The following USP35 variants were observed in gnomAD, a reference collection of about 807,000 sequenced individuals.
The protein encoded by USP35 is ubiquitin specific peptidase 35.
Under a neutral mutation model 83.8 loss-of-function variants are expected in USP35, and 69 were observed. The ratio of observed to expected loss-of-function variants is 0.82; its 90% CI spans 0.68 to 1.01. USP35 has a LOEUF of 1.01. Among genes scored for constraint, USP35 ranks in the 50% least tolerant of loss-of-function variants. The pLI is 0.00. For synonymous variants in USP35, 714 were observed against 589.5 expected, an observed-to-expected ratio of 1.21 and a Z score of -3.06; for missense variants, 1,503 against 1,362.5, an observed-to-expected ratio of 1.10 and a Z score of -1.62.
rs3050609 is a variant in USP35, at chr11:78,191,166, T to TAC, written c.-11+2023_-11+2024dup. On this transcript the variant is annotated intron_variant, in intron 1 of 10. Coordinates refer to ENST00000529308, the MANE Select transcript of USP35 (RefSeq NM_020798.4). ...AGCATAGGAGTTGTGTACACACACA[T>TAC]ACACACACACACACAGGGTGCTTTG... Among the ~76,000 whole-genome samples the TAC allele has an allele frequency of 3.2e-4, 48 of 151,574 alleles. No homozygotes were observed. The South Asian group carries it at 5.2e-3, about 16-fold the overall frequency.
In USP35 at chr11:78,213,839, C is replaced by T; in HGVS notation, c.*26C>T. The T allele has an allele frequency of 6.5e-7, 1 of 1,535,570 alleles. No individual in the cohort carries two copies. Among genetic ancestry groups the T allele is most frequent in the South Asian group, 1.3e-5 (1 of 77,496 alleles). ...TGTGAACCTGCTGCCAACCTGACCC[C>T]TTCCCTCCAGGAGCCAGGTAGGGCC... On this transcript the variant is annotated 3_prime_UTR_variant, in exon 11 of 11. Transcript: ENST00000529308.
chr11:78,196,853 G>A lies in USP35; in HGVS notation c.608G>A (p.Trp203Ter). 6.6e-7 allele frequency: 1 copy of A among 1,507,838 alleles called. No homozygotes were observed. The highest frequency in any genetic ancestry group is 8.8e-7 in the Non-Finnish European group (1 of 1,132,754). 93.4% of individuals were successfully genotyped at this position (1,507,838 alleles called of 1,614,324 possible). The change falls in exon 2 of 11, where the codon TGG becomes TAG. Residue 203 changes from tryptophan (W) to a stop codon, truncating the protein, a stop_gained. Transcript: ENST00000529308. LOFTEE classifies it high-confidence loss of function. This position sits in a 1 kb window ranked among gnomAD's most constrained non-coding sequence, Gnocchi z 4.8. Reference sequence around the variant, plus strand: ...GTGAGCGGGCTCCTGGCGCAGCTGTGGCGCGCACAGCCCGCCGCCATCCTG... The same window carrying A: ...GTGAGCGGGCTCCTGGCGCAGCTGTAGCGCGCACAGCCCGCCGCCATCCTG... Reference protein sequence around the residue: ...QQVSGLLAQLWRAQPAAILPC... With the variant: ...QQVSGLLAQL
At chr11:78,222,878 A>G in the USP35 span, among the ~76,000 whole-genome samples, 45 of 152,338 alleles carry the variant, frequency 3.0e-4, no homozygotes, top group Non-Finnish European at 4.6e-4. Context: ...GGCGTGAGCC[A>G]TGGCGCCCAG....
At chr11:78,234,561 A>G in the USP35 span, among the ~76,000 whole-genome samples, 7 of 148,292 alleles carry the variant, frequency 4.7e-5, no homozygotes, top group Admixed American at 1.4e-4. Flanking sequence ...CTATATATTT[A>G]TATACTTTTA....
the USP35 span, among the ~76,000 whole-genome samples, chr11:78,228,141 A>G: frequency 6.6e-6 from 1 of 152,224 alleles, no homozygotes; most frequent in East Asian, 1.9e-4. Flanking sequence ...CTAGTACGTC[A>G]CAATGATTTC....
In USP35 at chr11:78,197,790, C is replaced by G. The variant is rs561592970; in HGVS notation, c.674-146C>G. On this transcript the variant is annotated intron_variant, in intron 2 of 10. Coordinates refer to ENST00000529308, the MANE Select transcript of USP35 (RefSeq NM_020798.4). ...GAGTGAGTTTAGGTGGAACCAGAGA[C>G]TTTGCTTGCTATAGGAGAGGAGGTG... The G allele has an allele frequency of 5.8e-5, 70 of 1,199,756 alleles. No homozygotes were observed. The African/African-American group carries it at 7.4e-4, about 13-fold the overall frequency. 74.3% of individuals were successfully genotyped at this position (1,199,756 alleles called of 1,614,324 possible). A position where few individuals can be genotyped will look rare whatever the true frequency, so the allele number is the denominator to read the frequency against.
chr11:78,220,066 C>CATCT (rs953788535), downstream of USP35, among the ~76,000 whole-genome samples: 4 of 152,130 alleles, frequency 2.6e-5, no homozygotes, highest in Non-Finnish European at 5.9e-5. Flanking sequence ...CTCATTTGCC[C>CATCT]ATCTCTACAA....
At chr11:78,211,910 A>G (rs1863794685) in intron 10 of USP35, among the ~76,000 whole-genome samples, 1 of 152,162 alleles carries the variant, frequency 6.6e-6, no homozygotes, top group Non-Finnish European at 1.5e-5. Context: ...CTCTGATGAT[A>G]GTTCCTTGTA....
chr11:78,233,675 T>A, the USP35 span, among the ~76,000 whole-genome samples: 1 of 152,012 alleles, frequency 6.6e-6, no homozygotes, highest in Admixed American at 6.5e-5. Context: ...GGTGCCATCT[T>A]GGCTCACTGC....
downstream of USP35, chr11:78,219,224 G>T (rs1207122760): frequency 1.3e-6 from 2 of 1,576,358 alleles, no homozygotes; most frequent in Admixed American, 3.4e-5. Context: ...AGATGGGAAG[G>T]GCCAGCTCTG....
At chr11:78,205,806 C>G in intron 6 of USP35, 36 bp from the exon 7 acceptor site, 1 of 1,578,040 alleles carries the variant, frequency 6.3e-7, no homozygotes, top group Non-Finnish European at 8.6e-7. Flanking sequence ...GACCCTGGTG[C>G]CCACCATCCT....
chr11:78,205,717 TG>T (rs1046886768), intron 6 of USP35, 124 bp from the exon 7 acceptor site: 36 of 992,326 alleles, frequency 3.6e-5, no homozygotes, highest in Non-Finnish European at 4.6e-5. Context: ...AGAACATCTG[TG>T]GGGGGGTGTG....
chr11:78,198,114 T>C, intron 3 of USP35, 46 bp downstream of exon 3: 1 of 1,610,340 alleles, frequency 6.2e-7, no homozygotes, highest in Non-Finnish European at 8.5e-7. Context: ...GGCCCCTCCC[T>C]CTCTTCCTCT....
the USP35 span, among the ~76,000 whole-genome samples, chr11:78,225,501 A>G: frequency 6.6e-6 from 1 of 152,182 alleles, no homozygotes; most frequent in African/African-American, 2.4e-5. Flanking sequence ...CACCCCAGCC[A>G]TCACTTCTCT....
In USP35 at chr11:78,213,949, C is replaced by A; in HGVS notation, c.*136C>A. 1 of 951,328 alleles carries A rather than the reference C, an allele frequency of 1.1e-6. No individual in the cohort carries two copies. Among genetic ancestry groups the A allele is most frequent in the Non-Finnish European group, 1.5e-6 (1 of 683,380 alleles). 58.9% of individuals were successfully genotyped at this position (951,328 alleles called of 1,614,324 possible). A position where few individuals can be genotyped will look rare whatever the true frequency, so the allele number is the denominator to read the frequency against. ...TTAGTCCTCAGCCTGATGAAGGGTACACAGAGATTCTCTCAGATATGGAAG... is the reference window on the plus strand; with the variant it reads ...TTAGTCCTCAGCCTGATGAAGGGTAAACAGAGATTCTCTCAGATATGGAAG... On this transcript the variant is annotated 3_prime_UTR_variant, in exon 11 of 11. Coordinates refer to ENST00000529308, the MANE Select transcript of USP35 (RefSeq NM_020798.4).
rs199551562 is a variant in USP35 at position 78,205,718 on chromosome 11, G to A, written c.1198-124G>A. 4.0e-5 allele frequency: 40 copies of A among 1,001,690 alleles called. 1 individual carries two copies. Among genetic ancestry groups the A allele is most frequent in the Admixed American group, 1.0e-4 (4 of 40,064 alleles). The allele number at this position is 1,001,690 out of a possible 1,614,324, so 62.1% of individuals were successfully genotyped here. ...TTCACACACACCCCAGAACATCTGT[G>A]GGGGGGTGTGCCTGGGAGGCCTTGG... On this transcript the variant is annotated intron_variant, in intron 6 of 10. Coordinates refer to ENST00000529308, the MANE Select transcript of USP35 (RefSeq NM_020798.4).
At chr11:78,204,330 G>T (rs773653215) in intron 6 of USP35, among the ~76,000 whole-genome samples, 2 of 152,220 alleles carry the variant, frequency 1.3e-5, no homozygotes, top group African/African-American at 4.8e-5. Context: ...TGGGTTCTAT[G>T]AGTACATCCT....
intron 1 of USP35, among the ~76,000 whole-genome samples, chr11:78,194,221 T>G (rs1159546076): frequency 6.6e-6 from 1 of 150,910 alleles, no homozygotes; most frequent in South Asian, 2.1e-4. Context: ...CCTTTCCTGG[T>G]GGAGCTCAGC....
rs776056547 is a variant in USP35, at chr11:78,196,822, C to A, written c.577C>A (p.Gln193Lys). 2.0e-6 allele frequency: 3 copies of A among 1,532,692 alleles called. No homozygotes were observed. In the South Asian group the frequency reaches 3.6e-5, roughly 18 times the overall value. 94.9% of individuals were successfully genotyped at this position (1,532,692 alleles called of 1,614,324 possible). Residue 193 changes from glutamine to lysine, a missense_variant, in exon 2 of 11, where the codon CAG becomes AAG. Gln to Lys is a moderately conservative substitution (Grantham distance 53, BLOSUM62 1). Transcript: ENST00000529308. This position sits in a 1 kb window ranked among gnomAD's most constrained non-coding sequence, Gnocchi z 4.8. ...CGCCGTGGAGTTCCTAGAGCAGGCC[C>A]AGCAGGTGAGCGGGCTCCTGGCGCA... is the stretch of plus-strand genomic sequence containing the variant. Reference protein sequence around the residue: ...EGAVEFLEQAQQVSGLLAQLW... With the variant: ...EGAVEFLEQAKQVSGLLAQLW...
Sources: allele counts gnomAD v4.1 joint callset (sites outside exome capture counted in the v4.1 genomes callset), GRCh38; gene constraint gnomAD v4.1.1; non-coding constraint Gnocchi (gnomAD v3.1); transcripts MANE v1.5; gene names NCBI Gene and HGNC (gene_info 2026-07-23, HGNC 2026-07-21).